Variants in RABGAP1L observed in about 807,000 individuals in gnomAD.
The protein encoded by RABGAP1L is RAB GTPase activating protein 1 like, also known as rab GTPase-activating protein 1-like.
RABGAP1L carries 63 observed loss-of-function variants against 137.7 expected under a neutral mutation model. That is an observed-to-expected ratio of 0.46 (90% CI 0.37 to 0.56). RABGAP1L has a LOEUF of 0.56. RABGAP1L is among the 20% of genes least tolerant of loss of function. RABGAP1L has a pLI of 0.00. For synonymous variants in RABGAP1L, 431 were observed against 433.7 expected (o/e 0.99, Z 0.08); for missense variants, 1,095 against 1,244.0 (o/e 0.88, Z 1.80).
intron 5 of RABGAP1L, 99 bp from the exon 6 acceptor site, chr1:174,250,376 A>G (rs1672622007): frequency 2.4e-6 from 2 of 841,202 alleles, no homozygotes; most frequent in Non-Finnish European, 3.5e-6. Context: ...GCCAAAGAAA[A>G]TTGTCATGGA....
chr1:174,893,866 T>C lies in RABGAP1L; in HGVS notation c.2341-63591T>C, dbSNP rs373891441. 1.6e-4 allele frequency among the ~76,000 whole-genome samples: 24 copies of C among 152,362 alleles called. 2 individuals are homozygous for C. The highest frequency in any genetic ancestry group is 5.3e-4 in the African/African-American group (22 of 41,598). ...AGTTTGTGACAAATCCTTCCCAGAC[T>C]GTTCTTTGAGTATACAAATTAATAT... On this transcript the variant is annotated intron_variant, in intron 19 of 25. Transcript: ENST00000681986.
intron 18 of RABGAP1L, among the ~76,000 whole-genome samples, chr1:174,755,466 GTTTT>G (rs1684669436): frequency 6.6e-6 from 1 of 152,116 alleles, no homozygotes; most frequent in Non-Finnish European, 1.5e-5. Context: ...GTCAGAATAG[GTTTT>G]TTGTTTGCTG....
At chr1:174,546,793 G>C (rs1018158093) in intron 13 of RABGAP1L, among the ~76,000 whole-genome samples, 1 of 152,088 alleles carries the variant, frequency 6.6e-6, no homozygotes, top group Non-Finnish European at 1.5e-5. Context: ...CACTTTGGGA[G>C]GCCAAGGCAG....
intron 20 of RABGAP1L, among the ~76,000 whole-genome samples, chr1:174,959,276 A>G (rs531307478): frequency 2.0e-4 from 31 of 152,358 alleles, no homozygotes; most frequent in Middle Eastern, 3.4e-3. Flanking sequence ...ATTATAAACT[A>G]TTATTAAGCA....
At chr1:174,798,968 A>C (rs754833200) in intron 18 of RABGAP1L, among the ~76,000 whole-genome samples, 1 of 152,246 alleles carries the variant, frequency 6.6e-6, no homozygotes, top group African/African-American at 2.4e-5. Flanking sequence ...ACACATTAGC[A>C]CTAAGATTGT....
intron 19 of RABGAP1L, among the ~76,000 whole-genome samples, chr1:174,908,506 CA>C (rs1208120933): frequency 1.3e-5 from 2 of 149,934 alleles, no homozygotes; most frequent in Non-Finnish European, 3.0e-5. Context: ...AATACACAAA[CA>C]CATTAAATAA....
chr1:174,305,777 T>A (rs114556780), intron 11 of RABGAP1L, among the ~76,000 whole-genome samples: 9,140 of 151,860 alleles, frequency 0.06, 963 homozygotes, highest in African/African-American at 0.21. Context: ...ATATATATAT[T>A]TTTAATACTT....
intron 11 of RABGAP1L, among the ~76,000 whole-genome samples, chr1:174,313,372 T>C (rs1400960731): frequency 6.6e-6 from 1 of 152,240 alleles, no homozygotes; most frequent in African/African-American, 2.4e-5. Flanking sequence ...GGTGGAGCCT[T>C]TAGGGTTTTC....
intron 13 of RABGAP1L, among the ~76,000 whole-genome samples, chr1:174,444,328 T>C (rs1654497965): frequency 2.6e-5 from 4 of 151,960 alleles, no homozygotes; most frequent in Admixed American, 2.6e-4. Flanking sequence ...TTTAATGTGT[T>C]GTTTGGTTTG....
rs202105965 is a variant in RABGAP1L, at chr1:174,665,925, A to G, written c.1825-17597A>G. Reference sequence around the variant, plus strand: ...ATTTAACAGGTAGAGAAATTAATGCAAAGAATTCTTTGAAAGCCACTTGTA... The same window carrying G: ...ATTTAACAGGTAGAGAAATTAATGCGAAGAATTCTTTGAAAGCCACTTGTA... On this transcript the variant is annotated intron_variant, in intron 14 of 25. Transcript: ENST00000681986. Among the ~76,000 whole-genome samples the G allele has an allele frequency of 2.0e-5, 3 of 152,362 alleles. No individual in the cohort carries two copies. The South Asian group carries it at 6.2e-4, about 32-fold the overall frequency.
In RABGAP1L at chr1:174,994,155, T is replaced by C. The variant is rs1270525092; in HGVS notation, c.*4154T>C. 1 of 152,246 alleles carries C rather than the reference T, an allele frequency of 6.6e-6. No homozygotes were observed. Among genetic ancestry groups the C allele is most frequent in the Admixed American group, 6.5e-5 (1 of 15,290 alleles). 9.4% of individuals were successfully genotyped at this position (152,246 alleles called of 1,614,324 possible). ...TTCCTCTCTCATAATGGCTTCCATT[T>C]AATACAGGCAAAGCCCTTTACCTTA... On this transcript the variant is annotated 3_prime_UTR_variant, in exon 26 of 26. Transcript: ENST00000681986.
chr1:174,613,781 C>A (rs984729945), intron 13 of RABGAP1L, among the ~76,000 whole-genome samples: 1 of 151,424 alleles, frequency 6.6e-6, no homozygotes, highest in African/African-American at 2.4e-5. Context: ...TTAGCTCTTC[C>A]TGTTGAATTG....
At chr1:174,759,394 A>C (rs1417271065) in intron 18 of RABGAP1L, among the ~76,000 whole-genome samples, 1 of 151,814 alleles carries the variant, frequency 6.6e-6, no homozygotes, top group African/African-American at 2.4e-5. Context: ...CAGGAGTTAG[A>C]GACCAGCCTG....
intron 13 of RABGAP1L, among the ~76,000 whole-genome samples, chr1:174,394,623 T>C (rs1211224408): frequency 6.6e-6 from 1 of 152,162 alleles, no homozygotes; most frequent in Non-Finnish European, 1.5e-5. Flanking sequence ...ATTCCTTTGC[T>C]TATGTCTAAA....
chr1:174,596,323 C>G (rs1669912268), intron 13 of RABGAP1L, among the ~76,000 whole-genome samples: 1 of 151,982 alleles, frequency 6.6e-6, no homozygotes, highest in African/African-American at 2.4e-5. Context: ...CTGCGTGGCT[C>G]ACGCTGGGAG....
chr1:174,458,333 A>G (rs1209640109), intron 13 of RABGAP1L, among the ~76,000 whole-genome samples: 2 of 151,592 alleles, frequency 1.3e-5, no homozygotes, highest in Non-Finnish European at 2.9e-5. Context: ...AAAAATTTAC[A>G]GAAAAAAAAT....
intron 13 of RABGAP1L, among the ~76,000 whole-genome samples, chr1:174,543,001 G>A (rs991926513): frequency 1.3e-5 from 2 of 152,166 alleles, no homozygotes; most frequent in African/African-American, 4.8e-5. Context: ...GCAGAGGAGT[G>A]CTTTGCTTCC....
chr1:174,666,047 T>G (rs1451598771), intron 14 of RABGAP1L, among the ~76,000 whole-genome samples: 3 of 152,252 alleles, frequency 2.0e-5, no homozygotes, highest in African/African-American at 7.2e-5. Flanking sequence ...TGACCTCTTT[T>G]TATTCAGCTA....
At chr1:174,781,747 G>A (rs1196932173) in intron 18 of RABGAP1L, among the ~76,000 whole-genome samples, 2 of 152,106 alleles carry the variant, frequency 1.3e-5, no homozygotes, top group Non-Finnish European at 2.9e-5. Flanking sequence ...TTTTGTATAA[G>A]GTATAAGGAA....
Sources: gnomAD v4.1 joint callset for allele counts (sites outside exome capture counted in the v4.1 genomes callset) on GRCh38, gnomAD v4.1.1 for gene constraint, MANE v1.5 for transcripts, NCBI Gene and HGNC (gene_info 2026-07-23, HGNC 2026-07-21) for gene names.